Variants in ABHD5 observed in about 807,000 individuals in gnomAD.
The protein encoded by ABHD5 is 1-acylglycerol-3-phosphate O-acyltransferase ABHD5.
In ABHD5, 30 loss-of-function variants were observed where a neutral mutation model predicts 44.9. The observed-to-expected ratio is 0.67, with a 90% CI of 0.50 to 0.91. The LOEUF (loss-of-function observed/expected upper bound fraction) is 0.91, where lower values mean the gene tolerates loss of function less well. ABHD5 is among the 40% of genes least tolerant of loss of function. The probability of loss-of-function intolerance (pLI) is 0.00; values close to 1 mark genes in which losing one functional copy is unlikely to be tolerated. For synonymous variants in ABHD5, 167 were observed against 147.0 expected (o/e 1.14, Z -0.99); for missense variants, 399 against 423.4 (o/e 0.94, Z 0.50).
rs2084509874 is a variant in ABHD5 at position 43,699,219 on chromosome 3, T to C, written c.48-57T>C. 1.2e-5 allele frequency: 17 copies of C among 1,406,532 alleles called. No homozygotes were observed. In the South Asian group the frequency reaches 1.8e-4, roughly 15 times the overall value. The allele number at this position is 1,406,532 out of a possible 1,614,324, so 87.1% of individuals were successfully genotyped here. A position where few individuals can be genotyped will look rare whatever the true frequency, so the allele number is the denominator to read the frequency against. On this transcript the variant is annotated intron_variant, in intron 1 of 6. Transcript: ENST00000644371. ...GCCTTTCTTCTGTGCATGTGACAAT[T>C]GGTAGTTGAGAAGAGCATGAACTCA... is the stretch of plus-strand genomic sequence containing the variant.
chr3:43,696,985 C>G (rs921182376), intron 1 of ABHD5, among the ~76,000 whole-genome samples: 3 of 152,028 alleles, frequency 2.0e-5, no homozygotes, highest in African/African-American at 7.2e-5. Flanking sequence ...GTTGAAGATC[C>G]CTACTTTTTA....
Position 43,719,312 on chromosome 3 carries a change from T to C in ABHD5, c.*780T>C, listed in dbSNP as rs979096857. On this transcript the variant is annotated 3_prime_UTR_variant, in exon 7 of 7. Transcript: ENST00000644371. ...AAAAGCCTTACCTAAAAGGCTGTTC[T>C]TTGTTTCCCCCTTTCATACTATTCT... The C allele has an allele frequency of 6.6e-6, 1 of 152,240 alleles. No homozygotes were observed. Among genetic ancestry groups the C allele is most frequent in the African/African-American group, 2.4e-5 (1 of 41,460 alleles). The allele number at this position is 152,240 out of a possible 1,614,324, so 9.4% of individuals were successfully genotyped here.
At chr3:43,713,733 C>T (rs770804323) in intron 4 of ABHD5, among the ~76,000 whole-genome samples, 5 of 152,114 alleles carry the variant, frequency 3.3e-5, no homozygotes, top group Non-Finnish European at 5.9e-5. Flanking sequence ...TTTACTAGAA[C>T]ACAGGTACAA....
At chr3:43,712,119 T>C (rs2084696784) in intron 4 of ABHD5, among the ~76,000 whole-genome samples, 2 of 152,142 alleles carry the variant, frequency 1.3e-5, no homozygotes, top group South Asian at 2.1e-4. Context: ...AGGATAAGGT[T>C]AGTCAGTCCT....
chr3:43,701,395 T>C (rs2084540232), intron 2 of ABHD5, among the ~76,000 whole-genome samples: 1 of 152,246 alleles, frequency 6.6e-6, no homozygotes, highest in Non-Finnish European at 1.5e-5. Flanking sequence ...CTTCAGTGTC[T>C]TGTTTACTGT....
chr3:43,720,367 G>A lies in ABHD5; in HGVS notation c.*1835G>A, dbSNP rs927932687. On this transcript the variant is annotated 3_prime_UTR_variant, in exon 7 of 7. Transcript: ENST00000644371. ...GCCCTTGGAAGGAAGAAGTTCCTTC[G>A]TTTACTTAGTGAATGGAGTTTCTGG... 1 of 152,122 alleles carries A rather than the reference G, an allele frequency of 6.6e-6. No individual in the cohort carries two copies. Among genetic ancestry groups the A allele is most frequent in the South Asian group, 2.1e-4 (1 of 4,830 alleles). 9.4% of individuals were successfully genotyped at this position (152,122 alleles called of 1,614,324 possible). A position where few individuals can be genotyped will look rare whatever the true frequency, so the allele number is the denominator to read the frequency against.
At chr3:43,718,349 C>T in intron 6 of ABHD5, 94 bp from the exon 7 acceptor site, 1 of 998,146 alleles carries the variant, frequency 1.0e-6, no homozygotes, top group East Asian at 2.4e-5. Flanking sequence ...TACAGTGGCT[C>T]TCACTTTTAT....
chr3:43,697,286 C>T (rs2084485339), intron 1 of ABHD5, among the ~76,000 whole-genome samples: 1 of 152,008 alleles, frequency 6.6e-6, no homozygotes, highest in Non-Finnish European at 1.5e-5. Context: ...TTCTTTGCCC[C>T]AGTTTGTCTG....
Position 43,719,140 on chromosome 3 carries a change from G to T in ABHD5, c.*608G>T, listed in dbSNP as rs1031342141. 1.3e-4 allele frequency: 21 copies of T among 156,336 alleles called. No individual in the cohort carries two copies. The highest frequency in any genetic ancestry group is 1.3e-3 in the Admixed American group (21 of 15,988). 9.7% of individuals were successfully genotyped at this position (156,336 alleles called of 1,614,324 possible). A position where few individuals can be genotyped will look rare whatever the true frequency, so the allele number is the denominator to read the frequency against. ...TAGTTTACCTGTTTTTTATATTTAAGGCTGCTAAGCCATGTTCAGCATTTT... is the reference window on the plus strand; with the variant it reads ...TAGTTTACCTGTTTTTTATATTTAATGCTGCTAAGCCATGTTCAGCATTTT... On this transcript the variant is annotated 3_prime_UTR_variant, in exon 7 of 7. Coordinates refer to ENST00000644371, the MANE Select transcript of ABHD5 (RefSeq NM_016006.6).
intron 2 of ABHD5, among the ~76,000 whole-genome samples, chr3:43,700,740 A>ATTTTTTTTTTTTTTTTTTTTTTTT (rs1361660825): frequency 1.3e-4 from 20 of 151,224 alleles, no homozygotes; most frequent in South Asian, 1.1e-3. Context: ...TACCCAGCTA[A>ATTTTTTTTTTTTTTTTTTTTTTTT]TTTTTGTATT....
intron 3 of ABHD5, among the ~76,000 whole-genome samples, chr3:43,706,479 T>C (rs2084621127): frequency 6.6e-6 from 1 of 152,134 alleles, no homozygotes; most frequent in Non-Finnish European, 1.5e-5. Flanking sequence ...CTTTTTTTTT[T>C]TTCTTAGAGA....
At position 43,721,062 on chromosome 3, in the gene ABHD5, A is replaced by G. The variant is rs1442758975; in HGVS notation, c.*2530A>G. 4.6e-5 allele frequency: 7 copies of G among 152,190 alleles called. No individual in the cohort carries two copies. Among genetic ancestry groups the G allele is most frequent in the African/African-American group, 1.4e-4 (6 of 41,444 alleles). 9.4% of individuals were successfully genotyped at this position (152,190 alleles called of 1,614,324 possible). Reference sequence around the variant, plus strand: ...ACAAGAAGTACTGGAAAGAATAAACAAAAATAGCCAGAAGATGCCTAGAAA... The same window carrying G: ...ACAAGAAGTACTGGAAAGAATAAACGAAAATAGCCAGAAGATGCCTAGAAA... On this transcript the variant is annotated 3_prime_UTR_variant, in exon 7 of 7. Coordinates refer to ENST00000644371, the MANE Select transcript of ABHD5 (RefSeq NM_016006.6).
downstream of ABHD5, among the ~76,000 whole-genome samples, chr3:43,725,505 T>A (rs955096560): frequency 7.2e-5 from 11 of 152,270 alleles, no homozygotes; most frequent in Admixed American, 2.0e-4. Flanking sequence ...TTCTACCATG[T>A]ATTTTAATCC....
At chr3:43,700,355 TA>T (rs2084526564) in intron 2 of ABHD5, among the ~76,000 whole-genome samples, 1 of 152,120 alleles carries the variant, frequency 6.6e-6, no homozygotes, top group Non-Finnish European at 1.5e-5. Context: ...TAGTGGTACT[TA>T]TTGTGCAATT....
At chr3:43,728,163 T>C (rs2149612103) in intron 7 of ABHD5, among the ~76,000 whole-genome samples, 1 of 152,314 alleles carries the variant, frequency 6.6e-6, no homozygotes, top group Middle Eastern at 3.4e-3. Context: ...ACATTTATGG[T>C]TGGAGCCATG....
rs894820280 is a variant in ABHD5 at position 43,720,039 on chromosome 3, G to A, written c.*1507G>A. 36 of 152,164 alleles carry A rather than the reference G, an allele frequency of 2.4e-4. No homozygotes were observed. Among genetic ancestry groups the A allele is most frequent in the African/African-American group, 8.7e-4 (36 of 41,444 alleles). 9.4% of individuals were successfully genotyped at this position (152,164 alleles called of 1,614,324 possible). On this transcript the variant is annotated 3_prime_UTR_variant, in exon 7 of 7. Transcript: ENST00000644371. ...TATAAAAGAATAGACAAATTATACT[G>A]AAGCATGATATAAACATCTTCCCAA...
At position 43,732,927 on chromosome 3, in the gene ABHD5, G is replaced by C. The variant is rs115213828; in HGVS notation, c.*30-953G>C. Among the ~76,000 whole-genome samples, 478 of 152,286 alleles carry C rather than the reference G, an allele frequency of 3.1e-3. 2 individuals carry two copies. Among genetic ancestry groups the C allele is most frequent in the African/African-American group, 0.011 (462 of 41,566 alleles). On this transcript the variant is annotated intron_variant, in intron 7 of 7. Transcript: ENST00000454293. The stretch of plus-strand genomic sequence containing the variant: ...TTTGGTTCCCTCCAGCTGATGGATT[G>C]AGGGCCGTAGTTGGTAGCTGTCCAT...
rs2084810315 is a variant in ABHD5, at chr3:43,719,689, T to A, written c.*1157T>A. Reference sequence around the variant, plus strand: ...CATCAAGTGTAGCATTTTCTTGCAGTTTTAAAATGAGGAAAACTTCTTTGA... The same window carrying A: ...CATCAAGTGTAGCATTTTCTTGCAGATTTAAAATGAGGAAAACTTCTTTGA... On this transcript the variant is annotated 3_prime_UTR_variant, in exon 7 of 7. Coordinates refer to ENST00000644371, the MANE Select transcript of ABHD5 (RefSeq NM_016006.6). 6.6e-6 allele frequency: 1 copy of A among 152,178 alleles called. No individual in the cohort carries two copies. The highest frequency in any genetic ancestry group is 1.5e-5 in the Non-Finnish European group (1 of 68,024). 9.4% of individuals were successfully genotyped at this position (152,178 alleles called of 1,614,324 possible). A position where few individuals can be genotyped will look rare whatever the true frequency, so the allele number is the denominator to read the frequency against.
At position 43,699,271 on chromosome 3, in the gene ABHD5, T is replaced by A; in HGVS notation, c.48-5T>A. 6.2e-7 allele frequency: 1 copy of A among 1,613,462 alleles called. No individual in the cohort carries two copies. The highest frequency in any genetic ancestry group is 8.5e-7 in the Non-Finnish European group (1 of 1,179,368). Reference sequence around the variant, plus strand: ...CTATTTGTTATTTTGTTTTTGGTGCTCTAGGTCAGGATGGCTAACTGGTTG... The same window carrying A: ...CTATTTGTTATTTTGTTTTTGGTGCACTAGGTCAGGATGGCTAACTGGTTG... On this transcript the variant is annotated splice_polypyrimidine_tract_variant and splice_region_variant and intron_variant, in intron 1 of 6. Transcript: ENST00000644371.
Sources: gnomAD v4.1 joint callset for allele counts (sites outside exome capture counted in the v4.1 genomes callset) on GRCh38, gnomAD v4.1.1 for gene constraint, MANE v1.5 for transcripts, NCBI Gene and HGNC (gene_info 2026-07-23, HGNC 2026-07-21) for gene names.